Variants in HS2ST1 observed in about 807,000 individuals in gnomAD.
The protein encoded by HS2ST1 is 2-O-sulfotransferase.
Under a neutral mutation model 42.9 loss-of-function variants are expected in HS2ST1, and 18 were observed. That is an observed-to-expected ratio of 0.42 (90% confidence interval 0.29 to 0.62). The LOEUF (loss-of-function observed/expected upper bound fraction) is 0.62. Among genes scored for constraint, HS2ST1 ranks in the 20% least tolerant of loss-of-function variants. HS2ST1 has a pLI of 0.21. For missense variants in HS2ST1, 334 were observed against 433.8 expected (o/e 0.77, Z 2.04); for synonymous variants, 146 against 152.9 (o/e 0.95, Z 0.33).
intron 3 of HS2ST1, among the ~76,000 whole-genome samples, chr1:87,086,526 GT>G (rs1194424746): frequency 6.6e-6 from 1 of 152,050 alleles, no homozygotes; most frequent in Non-Finnish European, 1.5e-5. Flanking sequence ...TTAACACATA[GT>G]TTTTTTAAAC....
At chr1:86,969,012 C>T (rs1476876243) in intron 1 of HS2ST1, among the ~76,000 whole-genome samples, 8 of 152,026 alleles carry the variant, frequency 5.3e-5, no homozygotes, top group Non-Finnish European at 8.8e-5. Flanking sequence ...TTCTTTGTAC[C>T]AATTCCATGT....
chr1:87,073,512 G>T (rs527843207), intron 2 of HS2ST1, among the ~76,000 whole-genome samples: 9 of 152,014 alleles, frequency 5.9e-5, no homozygotes, highest in Non-Finnish European at 1.2e-4. Flanking sequence ...ACTTATGATG[G>T]AGAAATATTT....
chr1:86,997,559 T>C (rs1353899481), intron 1 of HS2ST1, among the ~76,000 whole-genome samples: 2 of 152,218 alleles, frequency 1.3e-5, no homozygotes, highest in Admixed American at 1.3e-4. Context: ...GATCTTTATC[T>C]TATATGGAGG....
chr1:86,932,394 G>A (rs980066221), intron 1 of HS2ST1: 1 of 151,990 alleles, frequency 6.6e-6, no homozygotes, highest in Non-Finnish European at 1.5e-5. Context: ...GGTTGTTCAT[G>A]ATATACCATG....
intron 1 of HS2ST1, 125 bp downstream of exon 1, chr1:86,915,285 A>C: frequency 1.8e-6 from 2 of 1,086,298 alleles, no homozygotes; most frequent in Non-Finnish European, 2.6e-6. Flanking sequence ...TTTCAAAGAG[A>C]ACCGGGAACA....
chr1:87,067,272 C>T (rs779533176), intron 1 of HS2ST1, among the ~76,000 whole-genome samples: 12 of 152,134 alleles, frequency 7.9e-5, no homozygotes, highest in Non-Finnish European at 1.5e-4. Context: ...TTCTAACTGG[C>T]GTAAGATGGT....
chr1:87,038,403 A>G lies in HS2ST1; in HGVS notation c.125-34531A>G, dbSNP rs555681396. Among the ~76,000 whole-genome samples the G allele has an allele frequency of 2.0e-4, 31 of 152,274 alleles. No individual in the cohort carries two copies. In the East Asian group the frequency reaches 2.5e-3, roughly 12 times the overall value. ...TACATGTAAATAATTAAACTGTTGT[A>G]TATTATTCCAACAAGTACATTTAGG... On this transcript the variant is annotated intron_variant, in intron 1 of 6. Transcript: ENST00000370550.
At chr1:86,947,437 G>A (rs536770400) in intron 1 of HS2ST1, among the ~76,000 whole-genome samples, 56 of 152,252 alleles carry the variant, frequency 3.7e-4, no homozygotes, top group Non-Finnish European at 7.4e-4. Context: ...TGTTGTTTGC[G>A]TATTACTTGC....
Position 87,092,511 on chromosome 1 carries a change from G to A in HS2ST1, c.450-20G>A. 1 of 1,521,214 alleles carries A rather than the reference G, an allele frequency of 6.6e-7. No individual in the cohort carries two copies. The highest frequency in any genetic ancestry group is 8.8e-7 in the Non-Finnish European group (1 of 1,139,292). 94.2% of individuals were successfully genotyped at this position (1,521,214 alleles called of 1,614,324 possible). A position where few individuals can be genotyped will look rare whatever the true frequency, so the allele number is the denominator to read the frequency against. ...GATTGAAAATGTTGATTTCACCTTTGAAATTTTGTTGTATTTCAGATTTGG... is the reference window on the plus strand; with the variant it reads ...GATTGAAAATGTTGATTTCACCTTTAAAATTTTGTTGTATTTCAGATTTGG... On this transcript the variant is annotated intron_variant, in intron 3 of 6. Transcript: ENST00000370550.
intron 1 of HS2ST1, among the ~76,000 whole-genome samples, chr1:86,928,841 A>G (rs558206392): frequency 2.0e-5 from 3 of 152,100 alleles, no homozygotes; most frequent in African/African-American, 7.2e-5. Flanking sequence ...CCATTAAAAT[A>G]AGGGATATGT....
At chr1:86,950,401 CAG>C (rs1287414294) in intron 1 of HS2ST1, among the ~76,000 whole-genome samples, 24 of 152,060 alleles carry the variant, frequency 1.6e-4, no homozygotes, top group African/African-American at 5.6e-4. Flanking sequence ...GACAGACAGA[CAG>C]AAAGTTAAAG....
intron 1 of HS2ST1, chr1:86,993,249 A>G: frequency 8.3e-7 from 1 of 1,209,010 alleles, no homozygotes; most frequent in Non-Finnish European, 1.1e-6. Flanking sequence ...TTAGAAATCT[A>G]AAAACTGATA....
intron 1 of HS2ST1, among the ~76,000 whole-genome samples, chr1:86,982,743 T>G (rs1287819143): frequency 6.6e-6 from 1 of 152,158 alleles, no homozygotes; most frequent in African/African-American, 2.4e-5. Flanking sequence ...CTCAATCTCC[T>G]GACCTCGTGA....
At chr1:86,937,700 T>A (rs1253913670) in intron 1 of HS2ST1, among the ~76,000 whole-genome samples, 11 of 152,100 alleles carry the variant, frequency 7.2e-5, no homozygotes, top group Non-Finnish European at 1.5e-5. Flanking sequence ...TTTATTCTTT[T>A]CAGATTGCCT....
At chr1:86,948,025 A>G (rs1208016680) in intron 1 of HS2ST1, among the ~76,000 whole-genome samples, 3 of 152,098 alleles carry the variant, frequency 2.0e-5, no homozygotes, top group African/African-American at 2.4e-5. Flanking sequence ...GGTTCTTGCA[A>G]AGTATACTGT....
At chr1:87,029,840 A>G (rs1328332244) in intron 1 of HS2ST1, among the ~76,000 whole-genome samples, 3 of 152,242 alleles carry the variant, frequency 2.0e-5, no homozygotes, top group African/African-American at 7.2e-5. Context: ...AACATATTCA[A>G]GGACACTTAC....
rs552713297 is a variant in HS2ST1, at chr1:86,935,455, CTTTTTTTTTTTT to C, written c.124+20309_124+20320del. 1.1e-4 allele frequency among the ~76,000 whole-genome samples: 7 copies of C among 62,062 alleles called. No individual in the cohort carries two copies. The East Asian group carries it at 2.2e-3, about 20-fold the overall frequency. 40.7% of individuals were successfully genotyped at this position (62,062 alleles called of 152,430 possible). On this transcript the variant is annotated intron_variant, in intron 1 of 6. Coordinates refer to ENST00000370550, the MANE Select transcript of HS2ST1 (RefSeq NM_012262.4). The stretch of plus-strand genomic sequence containing the variant: ...GAGGTTTTGTAATTTTCTTTTTCTC[CTTTTTTTTTTTT>C]TTTTTTTTTTTTTGAGATAGAGGCT...
At chr1:87,097,742 A>T in intron 4 of HS2ST1, 96 bp from the exon 5 acceptor site, 1 of 1,411,554 alleles carries the variant, frequency 7.1e-7, no homozygotes, top group Non-Finnish European at 9.8e-7. Context: ...CATCCCACCT[A>T]CTCTGGCCCA....
intron 1 of HS2ST1, among the ~76,000 whole-genome samples, chr1:87,012,359 C>A (rs1026786340): frequency 2.6e-5 from 4 of 152,118 alleles, no homozygotes; most frequent in African/African-American, 9.7e-5. Context: ...ACACGTCTTA[C>A]ATGGTAGCAA....
Sources: allele counts gnomAD v4.1 joint callset (sites outside exome capture counted in the v4.1 genomes callset), GRCh38; gene constraint gnomAD v4.1.1; transcripts MANE v1.5; gene names NCBI Gene and HGNC (gene_info 2026-07-23, HGNC 2026-07-21).